FSTL5: variants seen among roughly 807,000 people sequenced by gnomAD.
The protein encoded by FSTL5 is follistatin-related protein 5.
FSTL5 carries 62 observed loss-of-function variants against 89.1 expected under a neutral mutation model. That is an observed-to-expected ratio of 0.70 (90% CI 0.57 to 0.86). The LOEUF (loss-of-function observed/expected upper bound fraction) is 0.86. Among genes scored for constraint, FSTL5 ranks in the 40% least tolerant of loss-of-function variants. FSTL5 has a pLI of 0.00. For missense variants in FSTL5, 1,057 were observed against 1,001.6 expected, an observed-to-expected ratio of 1.06 and a Z score of -0.75; for synonymous variants, 383 against 346.2, an observed-to-expected ratio of 1.11 and a Z score of -1.18.
rs142028092 is a variant in FSTL5, at chr4:162,002,681, C to A, written c.160+30944G>T. On this transcript the variant is annotated intron_variant, in intron 3 of 15. Transcript: ENST00000306100. ...AATAGCTCCAATCTACTACATAGAC[C>A]CAAATATATTTATTTTTGTGAAGCT... Among the ~76,000 whole-genome samples, 788 of 152,100 alleles carry A rather than the reference C, an allele frequency of 5.2e-3. 6 individuals are homozygous for A. The highest frequency in any genetic ancestry group is 0.018 in the African/African-American group (742 of 41,482).
chr4:161,523,185 G>A (rs1480820807), intron 10 of FSTL5, among the ~76,000 whole-genome samples: 58 of 152,152 alleles, frequency 3.8e-4, no homozygotes, highest in Non-Finnish European at 2.9e-5. Flanking sequence ...TAATCAAATA[G>A]GGTATAGTTA....
At chr4:161,497,399 CT>C (rs1365582847) in intron 12 of FSTL5, among the ~76,000 whole-genome samples, 7 of 151,890 alleles carry the variant, frequency 4.6e-5, no homozygotes, top group Non-Finnish European at 1.0e-4. Flanking sequence ...TAACAATTCC[CT>C]TTTTAAATAT....
chr4:161,975,748 T>C (rs1735618807), intron 3 of FSTL5, among the ~76,000 whole-genome samples: 1 of 119,922 alleles, frequency 8.3e-6, no homozygotes, highest in South Asian at 2.7e-4. Flanking sequence ...AAACTTAAAG[T>C]ATAATAAAAA....
intron 10 of FSTL5, among the ~76,000 whole-genome samples, chr4:161,516,528 AAT>A (rs1730837373): frequency 6.8e-6 from 1 of 147,252 alleles, no homozygotes; most frequent in African/African-American, 2.5e-5. Context: ...CATATATAAA[AAT>A]ATATTTACAT....
intron 6 of FSTL5, among the ~76,000 whole-genome samples, chr4:161,658,630 CATAA>C (rs1208163914): frequency 6.6e-6 from 1 of 152,042 alleles, no homozygotes; most frequent in Non-Finnish European, 1.5e-5. Flanking sequence ...CATGTATATA[CATAA>C]ATAAGTTAAA....
At chr4:161,398,787 A>G (rs754842137) in intron 15 of FSTL5, among the ~76,000 whole-genome samples, 3 of 152,096 alleles carry the variant, frequency 2.0e-5, no homozygotes, top group Non-Finnish European at 4.4e-5. Context: ...TATTCCACAT[A>G]TGTCTGCCCC....
chr4:161,923,608 A>G (rs992168058), intron 3 of FSTL5, among the ~76,000 whole-genome samples: 1 of 151,762 alleles, frequency 6.6e-6, no homozygotes, highest in Admixed American at 6.6e-5. Flanking sequence ...TTATTTTAGT[A>G]TTGAAGAATG....
intron 7 of FSTL5, among the ~76,000 whole-genome samples, chr4:161,627,000 C>A (rs1187782281): frequency 1.3e-5 from 2 of 152,028 alleles, no homozygotes; most frequent in African/African-American, 4.8e-5. Flanking sequence ...TGAGATGCAA[C>A]CTACTGGGGA....
chr4:162,132,300 A>C lies in FSTL5; in HGVS notation c.-16-20888T>G, dbSNP rs572049834. Among the ~76,000 whole-genome samples the C allele has an allele frequency of 7.9e-5, 12 of 152,324 alleles. 1 individual carries two copies. The South Asian group carries it at 2.5e-3, about 32-fold the overall frequency. ...CACTACAGTGCTCCATCAGAGGCAA[A>C]ATATGGCACACTTGAGAATTTTAAA... On this transcript the variant is annotated intron_variant, in intron 1 of 15. Transcript: ENST00000306100.
At chr4:161,745,199 A>C (rs1453467669) in intron 6 of FSTL5, among the ~76,000 whole-genome samples, 2 of 152,070 alleles carry the variant, frequency 1.3e-5, no homozygotes, top group Non-Finnish European at 2.9e-5. Context: ...TAAATATTCT[A>C]ATATTTCAGC....
intron 2 of FSTL5, among the ~76,000 whole-genome samples, chr4:162,084,228 C>G (rs971502594): frequency 3.3e-5 from 5 of 151,740 alleles, no homozygotes; most frequent in Non-Finnish European, 2.9e-5. Flanking sequence ...ACAAAATAAT[C>G]CTGATTGGTC....
intron 8 of FSTL5, among the ~76,000 whole-genome samples, chr4:161,543,922 C>T (rs1731918162): frequency 6.6e-6 from 1 of 151,800 alleles, no homozygotes; most frequent in African/African-American, 2.4e-5. Flanking sequence ...TTTTGTAGTG[C>T]ATCAAATGAC....
chr4:161,768,310 A>G (rs1170485228), intron 5 of FSTL5, among the ~76,000 whole-genome samples: 1 of 152,082 alleles, frequency 6.6e-6, no homozygotes, highest in African/African-American at 2.4e-5. Flanking sequence ...CAGAATATAT[A>G]CCTTGCCATT....
chr4:161,682,997 G>C (rs563206569), intron 6 of FSTL5, among the ~76,000 whole-genome samples: 1 of 151,968 alleles, frequency 6.6e-6, no homozygotes, highest in Admixed American at 6.6e-5. Context: ...CACCCACCTC[G>C]GCCTCCCAAT....
At chr4:162,117,283 C>A (rs959454791) in intron 1 of FSTL5, among the ~76,000 whole-genome samples, 33 of 152,292 alleles carry the variant, frequency 2.2e-4, no homozygotes, top group Admixed American at 7.8e-4. Flanking sequence ...TAGTGTAGCA[C>A]CTGTACCAGA....
chr4:161,821,771 A>T (rs1475274398), intron 4 of FSTL5, among the ~76,000 whole-genome samples: 2 of 152,038 alleles, frequency 1.3e-5, no homozygotes, highest in African/African-American at 4.8e-5. Flanking sequence ...GCTGCATGGT[A>T]TTCCATGGTG....
chr4:161,483,110 A>T lies in FSTL5; in HGVS notation c.1459-1941T>A, dbSNP rs75243457. ...CCAAAGGCAGAAGTCTGTCTTCACT[A>T]CATGCTTAGAATGCAGTATTACACT... On this transcript the variant is annotated intron_variant, in intron 12 of 15. Coordinates refer to ENST00000306100, the MANE Select transcript of FSTL5 (RefSeq NM_020116.5). Among the ~76,000 whole-genome samples the T allele has an allele frequency of 3.4e-3, 521 of 152,332 alleles. 3 individuals are homozygous for T. The highest frequency in any genetic ancestry group is 0.011 in the African/African-American group (473 of 41,570).
At chr4:161,537,302 C>A (rs1210741345) in intron 10 of FSTL5, among the ~76,000 whole-genome samples, 2 of 152,058 alleles carry the variant, frequency 1.3e-5, no homozygotes, top group Non-Finnish European at 2.9e-5. Flanking sequence ...ATATTAATAA[C>A]AGCGTAACAA....
chr4:162,069,372 T>G (rs974994849), intron 2 of FSTL5, among the ~76,000 whole-genome samples: 3 of 151,982 alleles, frequency 2.0e-5, no homozygotes, highest in African/African-American at 7.2e-5. Flanking sequence ...CTTTAAACAT[T>G]TTTTATTTCT....
Sources: gnomAD v4.1 joint callset for allele counts (sites outside exome capture counted in the v4.1 genomes callset) on GRCh38, gnomAD v4.1.1 for gene constraint, MANE v1.5 for transcripts, NCBI Gene and HGNC (gene_info 2026-07-23, HGNC 2026-07-21) for gene names.